Variants in DEUP1 observed in about 807,000 individuals in gnomAD.
DEUP1 encodes the protein deuterosome assembly protein 1.
DEUP1 carries 82 observed loss-of-function variants against 87.4 expected under a neutral mutation model. That is an observed-to-expected ratio of 0.94 (90% CI 0.78 to 1.13). DEUP1 has a LOEUF of 1.13. Ranked by LOEUF, DEUP1 falls within the 50% of genes most tolerant of loss-of-function variation. The pLI is 0.00. For synonymous variants in DEUP1, 214 were observed against 222.7 expected, an observed-to-expected ratio of 0.96 and a Z score of 0.35; for missense variants, 663 against 681.5, an observed-to-expected ratio of 0.97 and a Z score of 0.30.
rs759318115 is a variant in DEUP1 at position 93,371,161 on chromosome 11, G to A, written c.670G>A (p.Glu224Lys). The change falls in exon 7 of 14, where the codon GAG (glutamate) becomes AAG (lysine). Residue 224 changes from glutamate (E) to lysine (K), a missense_variant. Physicochemically the swap from Glu to Lys is moderately conservative, Grantham distance 56. Transcript: ENST00000298050. ...CAATTGTGAAATCAATGAAAGAGATGAGTTCATTATTGAAAAACTGAAATC... is the reference window on the plus strand; with the variant it reads ...CAATTGTGAAATCAATGAAAGAGATAAGTTCATTATTGAAAAACTGAAATC... ...DPNCEINERD[E>K]FIIEKLKSAV... The A allele has an allele frequency of 6.2e-7, 1 of 1,613,164 alleles. No homozygotes were observed. The highest frequency in any genetic ancestry group is 8.5e-7 in the Non-Finnish European group (1 of 1,179,488).
At chr11:93,381,868 A>T (rs953976036) in intron 7 of DEUP1, among the ~76,000 whole-genome samples, 1 of 152,156 alleles carries the variant, frequency 6.6e-6, no homozygotes, top group African/African-American at 2.4e-5. Flanking sequence ...AAATATTATC[A>T]TTCTAAAATG....
At chr11:93,359,840 C>G (rs957882498) in intron 4 of DEUP1, among the ~76,000 whole-genome samples, 1 of 152,216 alleles carries the variant, frequency 6.6e-6, no homozygotes, top group Admixed American at 6.5e-5. Flanking sequence ...TCTGCCTTCA[C>G]TAAGCTGTAA....
chr11:93,431,026 G>A (rs1007672612), intron 13 of DEUP1, among the ~76,000 whole-genome samples: 14 of 148,322 alleles, frequency 9.4e-5, no homozygotes, highest in Non-Finnish European at 1.9e-4. Flanking sequence ...AACCCGGGAA[G>A]CAGAGGTTGC....
At chr11:93,408,859 T>C (rs1446908147) in intron 12 of DEUP1, among the ~76,000 whole-genome samples, 1 of 152,096 alleles carries the variant, frequency 6.6e-6, no homozygotes, top group Admixed American at 6.6e-5. Context: ...TTGGGGTTTG[T>C]TTGTTTGTTT....
At chr11:93,392,157 T>C (rs1046149462) in intron 9 of DEUP1, among the ~76,000 whole-genome samples, 1 of 152,190 alleles carries the variant, frequency 6.6e-6, no homozygotes, top group Non-Finnish European at 1.5e-5. Flanking sequence ...TGCCATCCCC[T>C]AAAACACAGC....
At chr11:93,389,469 A>G (rs1946701540) in intron 9 of DEUP1, among the ~76,000 whole-genome samples, 1 of 152,218 alleles carries the variant, frequency 6.6e-6, no homozygotes, top group Non-Finnish European at 1.5e-5. Context: ...CAAGATACTG[A>G]GGAGCCTCAT....
chr11:93,336,531 T>C (rs1010837161), intron 2 of DEUP1, among the ~76,000 whole-genome samples: 2 of 152,192 alleles, frequency 1.3e-5, no homozygotes, highest in Non-Finnish European at 2.9e-5. Context: ...CAGAGAATTC[T>C]AATTTCCTAC....
At chr11:93,375,945 CTGTTT>C (rs552151662) in intron 7 of DEUP1, among the ~76,000 whole-genome samples, 2 of 151,800 alleles carry the variant, frequency 1.3e-5, no homozygotes, top group East Asian at 1.9e-4. Context: ...TTTCATATTA[CTGTTT>C]TGTTTTGTTT....
intron 7 of DEUP1, among the ~76,000 whole-genome samples, chr11:93,375,839 A>T (rs909981793): frequency 3.9e-5 from 6 of 152,194 alleles, no homozygotes; most frequent in African/African-American, 1.4e-4. Flanking sequence ...TCTATCTTTT[A>T]GAATAGTGTC....
At chr11:93,393,311 CTTTTTATTTTTTTTA>C in intron 9 of DEUP1, among the ~76,000 whole-genome samples, 1 of 139,134 alleles carries the variant, frequency 7.2e-6, no homozygotes, top group East Asian at 2.2e-4. Flanking sequence ...TTTTCTATGC[CTTTTTATTTTTTTTA>C]TTTTTATTTT....
At chr11:93,375,242 G>A (rs1300710857) in intron 7 of DEUP1, among the ~76,000 whole-genome samples, 2 of 152,090 alleles carry the variant, frequency 1.3e-5, no homozygotes, top group East Asian at 3.9e-4. Flanking sequence ...AGTCAACAGA[G>A]ATAGTTTGAC....
intron 7 of DEUP1, among the ~76,000 whole-genome samples, chr11:93,382,281 C>T (rs72643375): frequency 0.078 from 11,841 of 152,208 alleles, 606 homozygotes; most frequent in Middle Eastern, 0.16. Context: ...TTAGATTTAT[C>T]AATATCAAGA....
intron 7 of DEUP1, among the ~76,000 whole-genome samples, chr11:93,373,631 A>ATACG (rs1565316403): frequency 1.3e-4 from 18 of 133,396 alleles, no homozygotes; most frequent in African/African-American, 2.0e-4. Context: ...ATACGTATAT[A>ATACG]TATATATATA....
At chr11:93,431,647 A>G (rs1224883979) in intron 13 of DEUP1, among the ~76,000 whole-genome samples, 2 of 152,204 alleles carry the variant, frequency 1.3e-5, no homozygotes, top group Non-Finnish European at 2.9e-5. Context: ...TAGAGGGGCA[A>G]GGGTAGAAGA....
intron 11 of DEUP1, among the ~76,000 whole-genome samples, chr11:93,397,455 C>T (rs961256100): frequency 1.3e-5 from 2 of 152,108 alleles, no homozygotes; most frequent in African/African-American, 2.4e-5. Context: ...AAATCAGATC[C>T]TGCCTCCGTG....
intron 6 of DEUP1, 79 bp downstream of exon 6, chr11:93,370,265 T>G (rs1044748079): frequency 4.0e-6 from 3 of 753,054 alleles, no homozygotes; most frequent in Non-Finnish European, 6.4e-6. Flanking sequence ...AGTAATCTAT[T>G]TACAAACAGA....
intron 11 of DEUP1, among the ~76,000 whole-genome samples, chr11:93,402,645 A>G (rs1465035214): frequency 6.6e-6 from 1 of 152,048 alleles, no homozygotes; most frequent in Non-Finnish European, 1.5e-5. Context: ...GAAATGTGGT[A>G]TATATACACA....
Position 93,437,746 on chromosome 11 carries a change from C to CT in DEUP1, c.*27_*28insT. The CT allele has an allele frequency of 1.9e-6, 2 of 1,047,250 alleles. No individual in the cohort carries two copies. The highest frequency in any genetic ancestry group is 2.7e-6 in the Non-Finnish European group (2 of 732,254). 64.9% of individuals were successfully genotyped at this position (1,047,250 alleles called of 1,614,324 possible). Reference sequence around the variant, plus strand: ...CTTTTAAACTTTTTTATTTGCTTCCCCCCCCCACCCCCGCCAAGAAAAAAA... The same window carrying CT: ...CTTTTAAACTTTTTTATTTGCTTCCCTCCCCCCACCCCCGCCAAGAAAAAAA... On this transcript the variant is annotated 3_prime_UTR_variant, in exon 14 of 14. Coordinates refer to ENST00000298050, the MANE Select transcript of DEUP1 (RefSeq NM_181645.4).
At chr11:93,414,602 AAG>A (rs1377241842) in intron 12 of DEUP1, among the ~76,000 whole-genome samples, 6 of 152,196 alleles carry the variant, frequency 3.9e-5, no homozygotes, top group Admixed American at 3.9e-4. Context: ...TTAAGTGTAA[AAG>A]AGAATAGAAA....
Sources: gnomAD v4.1 joint callset for allele counts (sites outside exome capture counted in the v4.1 genomes callset) on GRCh38, gnomAD v4.1.1 for gene constraint, MANE v1.5 for transcripts, NCBI Gene and HGNC (gene_info 2026-07-23, HGNC 2026-07-21) for gene names.